The following ZGPAT variants were observed in gnomAD, a reference collection of about 807,000 sequenced individuals.
The protein encoded by ZGPAT is zinc finger CCCH-type and G-patch domain containing.
A neutral mutation model predicts 47.9 loss-of-function variants in ZGPAT; 39 were observed. The observed-to-expected ratio is 0.81, with a 90% CI of 0.63 to 1.06. ZGPAT has a LOEUF of 1.06. ZGPAT is among the 50% of genes least tolerant of loss of function. ZGPAT has a pLI of 0.00. For synonymous variants in ZGPAT, 348 were observed against 292.9 expected, an observed-to-expected ratio of 1.19 and a Z score of -1.92; for missense variants, 717 against 681.4, an observed-to-expected ratio of 1.05 and a Z score of -0.58.
At chr20:63,707,671 C>G (rs2091559033), upstream of ZGPAT, 1 of 152,296 alleles carries the variant, frequency 6.6e-6, no homozygotes, top group African/African-American at 2.4e-5. Flanking sequence ...CTGGAGGCGG[C>G]GCGCGGCTGG....
Position 63,709,117 on chromosome 20 carries a change from G to C in ZGPAT, c.537G>C (p.Pro179=). The C allele has an allele frequency of 6.2e-6, 10 of 1,612,918 alleles. No individual in the cohort carries two copies. The highest frequency in any genetic ancestry group is 8.5e-6 in the Non-Finnish European group (10 of 1,180,026). ...ACCCCACTCACAAGTCTCTGAAGCCGTGCCCGTTCTTCCTGGAGGGAAAGT... is the reference window on the plus strand; with the variant it reads ...ACCCCACTCACAAGTCTCTGAAGCCCTGCCCGTTCTTCCTGGAGGGAAAGT... The part of the protein sequence containing the change: ...YLYPTHKSLK[P]CPFFLEGKCR... Residue 179 remains proline, a synonymous_variant, in exon 2 of 7, where the codon CCG becomes CCC. Coordinates refer to ENST00000355969, the MANE Select transcript of ZGPAT (RefSeq NM_181485.3).
intron 1 of ZGPAT, 64 bp from the exon 2 acceptor site, chr20:63,708,489 G>GCCCGCC: frequency 8.3e-7 from 1 of 1,197,898 alleles, no homozygotes; most frequent in South Asian, 1.6e-5. Flanking sequence ...CCGTGCCCGT[G>GCCCGCC]CCCGCCCTCA....
intron 2 of ZGPAT, among the ~76,000 whole-genome samples, 179 bp downstream of exon 2, chr20:63,709,343 A>G (rs2091627168): frequency 6.6e-6 from 1 of 152,122 alleles, no homozygotes; most frequent in South Asian, 2.1e-4. Flanking sequence ...GTGAATCAAG[A>G]AGCATGGAAG....
Position 63,733,812 on chromosome 20 carries a change from C to T in ZGPAT, c.871+73C>T, listed in dbSNP as rs921353236. 10 of 1,537,148 alleles carry T rather than the reference C, an allele frequency of 6.5e-6. No individual in the cohort carries two copies. In the African/African-American group the frequency reaches 1.4e-4, roughly 21 times the overall value. ...CTGAGAGGCTCCTGGCCGGTGAGGG[C>T]ACCAACCATCTAACCAAACTATTGG... On this transcript the variant is annotated intron_variant, in intron 4 of 6. Transcript: ENST00000355969.
At chr20:63,733,411 ACTGTGTGGCTGCTCCCTGCTTC>A in intron 3 of ZGPAT, 59 bp downstream of exon 3, 1 of 1,599,906 alleles carries the variant, frequency 6.3e-7, no homozygotes, top group South Asian at 1.1e-5. Context: ...GTGTGTTGTC[ACTGTGTGGCTGCTCCCTGCTTC>A]CTTTGGGTTG....
At chr20:63,734,164 A>G in intron 4 of ZGPAT, 1 of 277,772 alleles carries the variant, frequency 3.6e-6, no homozygotes, top group South Asian at 4.3e-5. Context: ...CGGGAATGGG[A>G]ACTGGTGGGC....
chr20:63,723,064 C>T (rs7267548), intron 2 of ZGPAT, among the ~76,000 whole-genome samples: 211 of 151,862 alleles, frequency 1.4e-3, no homozygotes, highest in African/African-American at 5.0e-3. Flanking sequence ...CCTCCTATGA[C>T]GTCCTCCCTT....
intron 2 of ZGPAT, among the ~76,000 whole-genome samples, chr20:63,717,341 T>TTC (rs1046203838): frequency 7.3e-6 from 1 of 137,166 alleles, no homozygotes; most frequent in Non-Finnish European, 1.6e-5. Context: ...TCTTTTTTTT[T>TTC]TTTTTTTTTT....
chr20:63,708,765 T>C lies in ZGPAT; in HGVS notation c.185T>C (p.Leu62Ser), dbSNP rs1379599118. 9 of 1,610,440 alleles carry C rather than the reference T, an allele frequency of 5.6e-6. No homozygotes were observed. The Admixed American group carries it at 6.7e-5, about 12-fold the overall frequency. The change falls in exon 2 of 7, where the codon TTG becomes TCG. Residue 62 changes from leucine to serine, a missense_variant. Physicochemically the swap from Leu to Ser is moderately radical, Grantham distance 145. Transcript: ENST00000355969. Reference sequence around the variant, plus strand: ...CTGGTGTCTGTCAGGAAGAGCAGCTTGTTGGCCGCGCTGGACGAAGAGCGC... The same window carrying C: ...CTGGTGTCTGTCAGGAAGAGCAGCTCGTTGGCCGCGCTGGACGAAGAGCGC... ...ASLVSVRKSSLLAALDEERPG... is the reference protein window; with the variant it reads ...ASLVSVRKSSSLAALDEERPG...
At chr20:63,722,624 T>G (rs79398621) in intron 2 of ZGPAT, among the ~76,000 whole-genome samples, 1 of 152,232 alleles carries the variant, frequency 6.6e-6, no homozygotes, top group East Asian at 1.9e-4. Flanking sequence ...ATTACTAACT[T>G]AACACTTAAA....
chr20:63,728,000 C>G (rs2091861652), intron 2 of ZGPAT, among the ~76,000 whole-genome samples: 1 of 151,286 alleles, frequency 6.6e-6, no homozygotes, highest in Non-Finnish European at 1.5e-5. Flanking sequence ...CCACCCACCC[C>G]TGCAGCCTCT....
chr20:63,733,719 G>C lies in ZGPAT; in HGVS notation c.851G>C (p.Gly284Ala). Residue 284 changes from glycine (G) to alanine (A), a missense_variant, in exon 4 of 7, where the codon GGT becomes GCT. Gly to Ala is a moderately conservative substitution (Grantham distance 60, BLOSUM62 0). Coordinates refer to ENST00000355969, the MANE Select transcript of ZGPAT (RefSeq NM_181485.3). ...TESDSDSDGT[G>A]DSSYARVVGS... ...TCCGACTCAGACAGCGACGGTACGG[G>C]TGACTCCAGCTATGCCAGAGGTATG... 3.1e-6 allele frequency: 5 copies of C among 1,613,096 alleles called. No homozygotes were observed. Among genetic ancestry groups the C allele is most frequent in the African/African-American group, 1.3e-5 (1 of 75,062 alleles).
At chr20:63,710,152 G>A (rs1253495715) in intron 2 of ZGPAT, among the ~76,000 whole-genome samples, 1 of 147,274 alleles carries the variant, frequency 6.8e-6, no homozygotes, top group Non-Finnish European at 1.5e-5. Context: ...GAGCCACCGC[G>A]CCTGGCCTTT....
chr20:63,725,710 C>T (rs1447781378), intron 2 of ZGPAT, among the ~76,000 whole-genome samples: 1 of 146,268 alleles, frequency 6.8e-6, no homozygotes, highest in African/African-American at 2.5e-5. Flanking sequence ...CTGCCCCTCT[C>T]TCATCTCCTT....
intron 4 of ZGPAT, 103 bp from the exon 5 acceptor site, chr20:63,734,602 C>T (rs1180194413): frequency 1.3e-6 from 2 of 1,552,304 alleles, no homozygotes; most frequent in South Asian, 1.2e-5. Context: ...ATGCACAATC[C>T]TCTGGCCTGG....
intron 5 of ZGPAT, 163 bp downstream of exon 5, chr20:63,734,987 C>T (rs1385870621): frequency 3.0e-6 from 4 of 1,319,440 alleles, no homozygotes; most frequent in East Asian, 2.7e-5. Flanking sequence ...CCCGCGGCCA[C>T]AGCACTGCCA....
chr20:63,710,846 A>C (rs1170083218), intron 2 of ZGPAT, among the ~76,000 whole-genome samples: 1 of 152,224 alleles, frequency 6.6e-6, no homozygotes, highest in East Asian at 1.9e-4. Context: ...TCAAATATGA[A>C]CAATTATTAC....
Position 63,712,203 on chromosome 20 carries a change from C to G in ZGPAT, c.584+3039C>G, listed in dbSNP as rs1228919285. 2.6e-5 allele frequency among the ~76,000 whole-genome samples: 4 copies of G among 152,134 alleles called. No individual in the cohort carries two copies. The East Asian group carries it at 7.7e-4, about 29-fold the overall frequency. Reference sequence around the variant, plus strand: ...GTATATGTTATTAGGTGAGGGTCCACTTTATTCTTTTGCATGTGGATTTCC... The same window carrying G: ...GTATATGTTATTAGGTGAGGGTCCAGTTTATTCTTTTGCATGTGGATTTCC... On this transcript the variant is annotated intron_variant, in intron 2 of 6. Transcript: ENST00000355969.
intron 2 of ZGPAT, 42 bp from the exon 3 acceptor site, chr20:63,733,177 T>C (rs2091940636): frequency 6.3e-7 from 1 of 1,596,764 alleles, no homozygotes; most frequent in African/African-American, 1.3e-5. Flanking sequence ...TTGCCCCTGG[T>C]GGCCCATGTC....
Sources: allele counts gnomAD v4.1 joint callset (sites outside exome capture counted in the v4.1 genomes callset), GRCh38; gene constraint gnomAD v4.1.1; transcripts MANE v1.5; gene names NCBI Gene and HGNC (gene_info 2026-07-23, HGNC 2026-07-21).